TNIK: variants seen among roughly 807,000 people sequenced by gnomAD.
TNIK encodes TRAF2 and NCK interacting kinase.
In TNIK, 49 loss-of-function variants were observed where a neutral mutation model predicts 191.3. That is an observed-to-expected ratio of 0.26 (90% CI 0.20 to 0.32). The LOEUF (loss-of-function observed/expected upper bound fraction) is 0.32, where lower values mean the gene tolerates loss of function less well. Ranked by LOEUF, TNIK falls within the 10% of genes least tolerant of loss-of-function variation. The pLI, the probability that TNIK is intolerant of heterozygous loss-of-function variation, is 1.00. For missense variants in TNIK, 1,155 were observed against 1,702.3 expected, an observed-to-expected ratio of 0.68 and a Z score of 5.66; for synonymous variants, 594 against 600.9, an observed-to-expected ratio of 0.99 and a Z score of 0.17.
chr3:171,144,294 G>T (rs1269239337), intron 12 of TNIK, among the ~76,000 whole-genome samples: 2 of 152,120 alleles, frequency 1.3e-5, no homozygotes, highest in African/African-American at 4.8e-5. Context: ...AGTTTTCCAG[G>T]CCCTAACAAT....
intron 1 of TNIK, among the ~76,000 whole-genome samples, chr3:171,401,276 G>T (rs750177969): frequency 1.3e-5 from 2 of 152,078 alleles, no homozygotes; most frequent in Non-Finnish European, 2.9e-5. Context: ...AGAATCTCCT[G>T]TGGCAATTTT....
At position 171,063,567 on chromosome 3, in the gene TNIK, T is replaced by C; in HGVS notation, c.*314A>G. 1 of 230,804 alleles carries C rather than the reference T, an allele frequency of 4.3e-6. No homozygotes were observed. The highest frequency in any genetic ancestry group is 8.4e-6 in the Non-Finnish European group (1 of 119,284). The allele number at this position is 230,804 out of a possible 1,614,324, so 14.3% of individuals were successfully genotyped here. ...ACCTGAAAACCCACCATAACACAGCTTAATCGTTAAGAGCACACAATATTT... is the reference window on the plus strand; with the variant it reads ...ACCTGAAAACCCACCATAACACAGCCTAATCGTTAAGAGCACACAATATTT... On this transcript the variant is annotated 3_prime_UTR_variant, in exon 33 of 33. Coordinates refer to ENST00000436636, the MANE Select transcript of TNIK (RefSeq NM_015028.4).
chr3:171,318,394 C>G (rs1416986295), intron 2 of TNIK, among the ~76,000 whole-genome samples: 1 of 152,100 alleles, frequency 6.6e-6, no homozygotes, highest in Non-Finnish European at 1.5e-5. Flanking sequence ...TTTTTATTTA[C>G]TAATGGTCTT....
chr3:171,085,175 C>G lies in TNIK; in HGVS notation c.2941G>C (p.Val981Leu). The change falls in exon 25 of 33, where the codon GTA (valine) becomes CTA (leucine). Residue 981 changes from valine (V) to leucine (L), a missense_variant. By Grantham distance (32) the Val-to-Leu change is conservative (BLOSUM62 1). This residue lies in a region of TNIK where 735 missense variants were observed against 848.0 expected (regional missense o/e 0.87). Coordinates refer to ENST00000436636, the MANE Select transcript of TNIK (RefSeq NM_015028.4). The stretch of plus-strand genomic sequence containing the variant: ...TCATCAGTGGGAGACGTCTGGTATA[C>G]TCTGGGGTCCACAAAGGGGGTGAAG... ...ASFTPFVDPR[V>L]YQTSPTDEDE... The G allele has an allele frequency of 6.2e-7, 1 of 1,612,144 alleles. No homozygotes were observed.
chr3:171,441,584 T>A (rs76267718), intron 1 of TNIK, among the ~76,000 whole-genome samples: 5,452 of 152,312 alleles, frequency 0.036, 326 homozygotes, highest in African/African-American at 0.12. Flanking sequence ...GTTTCCATTT[T>A]TGGGCCACTG....
At chr3:171,116,266 A>G (rs71306692) in intron 18 of TNIK, among the ~76,000 whole-genome samples, 13,207 of 152,272 alleles carry the variant, frequency 0.087, 763 homozygotes, top group Middle Eastern at 0.21. Flanking sequence ...AAGAGGATCA[A>G]TTTCAGAAGA....
chr3:171,249,205 C>G (rs1373769005), intron 2 of TNIK, among the ~76,000 whole-genome samples: 1 of 152,138 alleles, frequency 6.6e-6, no homozygotes, highest in African/African-American at 2.4e-5. Flanking sequence ...TAAATTTCAG[C>G]CTCCAGTGGC....
chr3:171,319,046 G>A (rs1754925418), intron 2 of TNIK, among the ~76,000 whole-genome samples: 1 of 152,022 alleles, frequency 6.6e-6, no homozygotes, highest in Admixed American at 6.6e-5. Context: ...TGGGAAAGAT[G>A]ATTGCACCTA....
At chr3:171,113,554 G>A (rs938394105) in intron 18 of TNIK, among the ~76,000 whole-genome samples, 6 of 151,590 alleles carry the variant, frequency 4.0e-5, no homozygotes, top group South Asian at 4.2e-4. Flanking sequence ...TGCAGTGAGC[G>A]GAGATCGCGC....
chr3:171,281,460 G>C (rs1447935756), intron 2 of TNIK, among the ~76,000 whole-genome samples: 1 of 152,134 alleles, frequency 6.6e-6, no homozygotes, highest in Non-Finnish European at 1.5e-5. Context: ...TCATGAGCAA[G>C]CTATTTATCT....
intron 7 of TNIK, among the ~76,000 whole-genome samples, chr3:171,182,969 A>G (rs1407133447): frequency 2.0e-5 from 3 of 152,240 alleles, no homozygotes; most frequent in African/African-American, 7.2e-5. Context: ...ATAAGGAAGA[A>G]TATGCAAAAA....
At chr3:171,124,829 C>T (rs756355675) in intron 17 of TNIK, among the ~76,000 whole-genome samples, 4 of 152,116 alleles carry the variant, frequency 2.6e-5, no homozygotes, top group Admixed American at 6.5e-5. Context: ...TGTATGCCTG[C>T]GTATTTTTAG....
chr3:171,416,511 G>A (rs1183465524), intron 1 of TNIK, among the ~76,000 whole-genome samples: 1 of 151,834 alleles, frequency 6.6e-6, no homozygotes, highest in African/African-American at 2.4e-5. Flanking sequence ...CGAAAAACTA[G>A]AGAAAGCTGA....
intron 10 of TNIK, among the ~76,000 whole-genome samples, chr3:171,162,467 A>G (rs756766020): frequency 2.0e-5 from 3 of 152,248 alleles, no homozygotes; most frequent in Non-Finnish European, 2.9e-5. Context: ...TATATTTAAA[A>G]TGTGTTTTGA....
intron 1 of TNIK, among the ~76,000 whole-genome samples, chr3:171,394,238 C>T (rs775800232): frequency 1.3e-5 from 2 of 152,154 alleles, no homozygotes; most frequent in African/African-American, 2.4e-5. Flanking sequence ...TGACATGTCC[C>T]AGACCAACAC....
At chr3:171,389,650 A>G (rs1719206797) in intron 1 of TNIK, among the ~76,000 whole-genome samples, 1 of 152,158 alleles carries the variant, frequency 6.6e-6, no homozygotes. Flanking sequence ...TGTGCCATGT[A>G]TGTGGCCACA....
chr3:171,342,037 T>C (rs1757585031), intron 2 of TNIK, among the ~76,000 whole-genome samples: 1 of 152,268 alleles, frequency 6.6e-6, no homozygotes. Flanking sequence ...AATGTTTTGC[T>C]GTGGAACAAC....
rs763964149 is a variant in TNIK, at chr3:171,110,839, C to G, written c.2159G>C (p.Ser720Thr). The change falls in exon 19 of 33, where the codon AGC becomes ACC. Residue 720 changes from serine to threonine, a missense_variant. Ser to Thr is a moderately conservative substitution (Grantham distance 58, BLOSUM62 1). Transcript: ENST00000436636. ...DLRRTEPILE[S>T]PLQRTSSGSS... ...GCCACTGCTGGTCCTCTGCAAGGGG[C>G]TCTCCAAGATGGGCTCAGTTCTCCG... 1.1e-5 allele frequency: 17 copies of G among 1,605,166 alleles called. No homozygotes were observed. The Admixed American group carries it at 2.7e-4, about 26-fold the overall frequency.
chr3:171,255,837 G>A (rs947471308), intron 2 of TNIK, among the ~76,000 whole-genome samples: 1 of 152,122 alleles, frequency 6.6e-6, no homozygotes, highest in East Asian at 1.9e-4. Flanking sequence ...AGCCGTAAAT[G>A]CCACAACAGT....
Sources: gnomAD v4.1 joint callset for allele counts (sites outside exome capture counted in the v4.1 genomes callset) on GRCh38, gnomAD v4.1.1 for gene constraint, gnomAD v4.1.1 regional missense constraint, MANE v1.5 for transcripts, NCBI Gene and HGNC (gene_info 2026-07-23, HGNC 2026-07-21) for gene names.